Variants in NCOA7 observed in about 807,000 individuals in gnomAD.
NCOA7 encodes 140 kDa estrogen receptor-associated protein.
Under a neutral mutation model 104.3 loss-of-function variants are expected in NCOA7, and 45 were observed. The ratio of observed to expected loss-of-function variants is 0.43; its 90% CI spans 0.34 to 0.55. NCOA7 has a LOEUF of 0.55. Ranked by LOEUF, NCOA7 falls within the 20% of genes least tolerant of loss-of-function variation. NCOA7 has a pLI of 0.02. For missense variants in NCOA7, 1,041 were observed against 1,119.7 expected (o/e 0.93, Z 1.00); for synonymous variants, 398 against 402.3 (o/e 0.99, Z 0.13).
intron 3 of NCOA7, among the ~76,000 whole-genome samples, chr6:125,858,390 C>T (rs1781766198): frequency 6.6e-6 from 1 of 152,018 alleles, no homozygotes; most frequent in African/African-American, 2.4e-5. Flanking sequence ...CCTGTAATCC[C>T]AGCACTTTGG....
chr6:125,844,642 A>C (rs1228285545), intron 2 of NCOA7, among the ~76,000 whole-genome samples: 1 of 152,234 alleles, frequency 6.6e-6, no homozygotes, highest in Non-Finnish European at 1.5e-5. Context: ...GAGTTCAAAG[A>C]GTGATGTTCT....
chr6:125,921,382 C>T (rs1488350348), intron 12 of NCOA7, among the ~76,000 whole-genome samples: 1 of 152,006 alleles, frequency 6.6e-6, no homozygotes, highest in African/African-American at 2.4e-5. Flanking sequence ...TGCATTCCAG[C>T]CTGCGCAACA....
At chr6:125,789,631 G>A (rs1774647623), upstream of NCOA7, among the ~76,000 whole-genome samples, 1 of 151,996 alleles carries the variant, frequency 6.6e-6, no homozygotes, top group Non-Finnish European at 1.5e-5. Context: ...AAATCCCAAA[G>A]ATATAAACCT....
chr6:125,878,456 C>G, intron 5 of NCOA7, 86 bp downstream of exon 5: 1 of 830,840 alleles, frequency 1.2e-6, no homozygotes, highest in East Asian at 2.8e-5. Context: ...TTGTTTGTCA[C>G]AGGATTATGA....
chr6:125,797,830 A>G (rs2128549790), intron 1 of NCOA7: 1 of 152,310 alleles, frequency 6.6e-6, no homozygotes. Context: ...GTAGGGTCCC[A>G]CTGAAACAAC....
intron 7 of NCOA7, among the ~76,000 whole-genome samples, chr6:125,883,669 C>T (rs1784027117): frequency 6.6e-6 from 1 of 151,084 alleles, no homozygotes; most frequent in Non-Finnish European, 1.5e-5. Context: ...GTCCTTTGAC[C>T]AACATCTCCC....
At chr6:125,827,697 G>T (rs1778781621) in intron 2 of NCOA7, among the ~76,000 whole-genome samples, 2 of 152,160 alleles carry the variant, frequency 1.3e-5, no homozygotes, top group East Asian at 3.9e-4. Context: ...GGAAGGACGG[G>T]AATATTCTAG....
At position 125,889,481 on chromosome 6, in the gene NCOA7, T is replaced by C; in HGVS notation, c.1427T>C (p.Val476Ala). 1 of 1,614,076 alleles carries C rather than the reference T, an allele frequency of 6.2e-7. No homozygotes were observed. Among genetic ancestry groups the C allele is most frequent in the South Asian group, 1.1e-5 (1 of 91,082 alleles). ...ALAFLGTENDVELKGALDLET... is the reference protein window; with the variant it reads ...ALAFLGTENDAELKGALDLET... ...GCCTTTTTGGGAACAGAGAATGATGTTGAACTGAAGGGGGCGCTAGATTTA... is the reference window on the plus strand; with the variant it reads ...GCCTTTTTGGGAACAGAGAATGATGCTGAACTGAAGGGGGCGCTAGATTTA... Residue 476 changes from valine (V) to alanine (A), a missense_variant, in exon 9 of 16, where the codon GTT (valine) becomes GCT (alanine). Val to Ala is a moderately conservative substitution (Grantham distance 64). Coordinates refer to ENST00000392477, the MANE Select transcript of NCOA7 (RefSeq NM_181782.5).
At chr6:125,785,911 TAGACGCCACAA>T (rs2128538010) in intron 1 of NCOA7, among the ~76,000 whole-genome samples, 1 of 152,314 alleles carries the variant, frequency 6.6e-6, no homozygotes, top group African/African-American at 2.4e-5. Context: ...TACACTCTGG[TAGACGCCACAA>T]AGACGCCACA....
chr6:125,928,966 G>A lies in NCOA7; in HGVS notation c.*195G>A, dbSNP rs560058675. On this transcript the variant is annotated 3_prime_UTR_variant, in exon 16 of 16. Transcript: ENST00000392477. The stretch of plus-strand genomic sequence containing the variant: ...ATGTAGAGGGCAGACATTGAAGAAA[G>A]AAACTTAAAATCCAGGTTGTTGAAA... The A allele has an allele frequency of 4.0e-6, 2 of 502,034 alleles. No homozygotes were observed. The highest frequency in any genetic ancestry group is 6.9e-5 in the East Asian group (2 of 29,036). The allele number at this position is 502,034 out of a possible 1,614,324, so 31.1% of individuals were successfully genotyped here. A position where few individuals can be genotyped will look rare whatever the true frequency, so the allele number is the denominator to read the frequency against.
At chr6:125,921,592 A>G (rs772600439) in intron 12 of NCOA7, among the ~76,000 whole-genome samples, 6 of 152,158 alleles carry the variant, frequency 3.9e-5, no homozygotes, top group Non-Finnish European at 5.9e-5. Flanking sequence ...AGACACTAAC[A>G]TCCTTCTCTC....
In NCOA7 at chr6:125,853,422, C is replaced by T. The variant is rs542391414; in HGVS notation, c.51-1598C>T. On this transcript the variant is annotated intron_variant, in intron 2 of 15. Transcript: ENST00000392477. ...TCTTTCCCTTTCCTGATTGCTCTGGCTAGGACTTCCAGTTTTGGTCTTTTA... is the reference window on the plus strand; with the variant it reads ...TCTTTCCCTTTCCTGATTGCTCTGGTTAGGACTTCCAGTTTTGGTCTTTTA... Among the ~76,000 whole-genome samples, 4 of 152,234 alleles carry T rather than the reference C, an allele frequency of 2.6e-5. No homozygotes were observed. The East Asian group carries it at 7.7e-4, about 29-fold the overall frequency.
At chr6:125,876,790 A>T (rs1783415444) in intron 4 of NCOA7, among the ~76,000 whole-genome samples, 1 of 152,254 alleles carries the variant, frequency 6.6e-6, no homozygotes, top group South Asian at 2.1e-4. Flanking sequence ...GCCTGCTAGC[A>T]CTTACCCGAT....
chr6:125,870,888 C>T (rs12203025), intron 3 of NCOA7, among the ~76,000 whole-genome samples: 47,180 of 152,042 alleles, frequency 0.31, 8,945 homozygotes, highest in East Asian at 0.51. Context: ...CATTCTTCCT[C>T]CCCATTCCAG....
In NCOA7 at chr6:125,785,624, T is replaced by G. The variant is rs571577047; in HGVS notation, c.-141-513T>G. On this transcript the variant is annotated intron_variant, in intron 1 of 16. Coordinates refer to the NCOA7 transcript ENST00000368357. ...TAGGGATTCATTTCAAAATTTTAAA[T>G]TATATTTTAGCACCAATGTTGTAGC... 2.6e-5 allele frequency among the ~76,000 whole-genome samples: 4 copies of G among 152,344 alleles called. No homozygotes were observed. In the East Asian group the frequency reaches 7.7e-4, roughly 29 times the overall value.
intron 1 of NCOA7, among the ~76,000 whole-genome samples, chr6:125,801,053 A>G (rs1290841275): frequency 6.6e-6 from 1 of 152,232 alleles, no homozygotes; most frequent in Non-Finnish European, 1.5e-5. Flanking sequence ...AATAACATAA[A>G]GAAAATGACA....
upstream of NCOA7, among the ~76,000 whole-genome samples, chr6:125,789,064 T>A (rs1774614113): frequency 6.6e-6 from 1 of 152,170 alleles, no homozygotes. Context: ...ACTTAAAAAT[T>A]TTGTTAAAGA....
intron 2 of NCOA7, among the ~76,000 whole-genome samples, chr6:125,825,213 G>A (rs903147653): frequency 3.3e-5 from 5 of 149,798 alleles, no homozygotes; most frequent in African/African-American, 4.9e-5. Context: ...GACAGCACAT[G>A]CCTGTAACCC....
chr6:125,919,110 T>C (rs944580932), intron 11 of NCOA7: 1 of 690,480 alleles, frequency 1.4e-6, no homozygotes, highest in Non-Finnish European at 2.2e-6. Context: ...AAGGTGAAAG[T>C]GTCCTTTTAC....
Sources: allele counts gnomAD v4.1 joint callset (sites outside exome capture counted in the v4.1 genomes callset), GRCh38; gene constraint gnomAD v4.1.1; transcripts MANE v1.5; gene names NCBI Gene and HGNC (gene_info 2026-07-23, HGNC 2026-07-21).